IL16: variants seen among roughly 807,000 people sequenced by gnomAD.
The protein encoded by IL16 is interleukin 16.
Under a neutral mutation model 110.1 loss-of-function variants are expected in IL16, and 67 were observed. The ratio of observed to expected loss-of-function variants is 0.61; its 90% CI spans 0.50 to 0.75. The LOEUF (loss-of-function observed/expected upper bound fraction) is 0.75, where lower values mean the gene tolerates loss of function less well. Ranked by LOEUF, IL16 falls within the 30% of genes least tolerant of loss-of-function variation. The pLI is 0.00. For synonymous variants in IL16, 689 were observed against 662.9 expected, an observed-to-expected ratio of 1.04 and a Z score of -0.61; for missense variants, 1,545 against 1,655.0, an observed-to-expected ratio of 0.93 and a Z score of 1.15.
chr15:81,299,268 C>T (rs1175898271), intron 13 of IL16, 112 bp from the exon 14 acceptor site: 8 of 1,583,292 alleles, frequency 5.1e-6, no homozygotes, highest in African/African-American at 1.3e-5. Flanking sequence ...CCCACTTCTG[C>T]TAATCTCCTC....
chr15:81,269,180 C>T (rs371846769), intron 4 of IL16, among the ~76,000 whole-genome samples: 9 of 151,706 alleles, frequency 5.9e-5, no homozygotes, highest in East Asian at 5.8e-4. Context: ...AGTCTCAGGG[C>T]GTTCTTGGTA....
intron 4 of IL16, among the ~76,000 whole-genome samples, chr15:81,269,211 C>T (rs1194571479): frequency 6.6e-6 from 1 of 152,262 alleles, no homozygotes; most frequent in East Asian, 1.9e-4. Flanking sequence ...CAAATTCTGC[C>T]TGAGACCTGG....
intron 1 of IL16, among the ~76,000 whole-genome samples, chr15:81,199,150 A>G (rs1895719915): frequency 6.6e-6 from 1 of 151,842 alleles, no homozygotes; most frequent in Non-Finnish European, 1.5e-5. Flanking sequence ...TTCATTGTGA[A>G]TAGCAATATG....
In IL16 at chr15:81,290,538, A is replaced by G; in HGVS notation, c.1418A>G (p.Glu473Gly). Residue 473 changes from glutamate to glycine, a missense_variant and splice_region_variant, in exon 11 of 19, where the codon GAA becomes GGA. Glu to Gly is a moderately conservative substitution (Grantham distance 98). This residue lies in a region of IL16 where 1,185 missense variants were observed against 1,238.8 expected (regional missense o/e 0.96). Coordinates refer to ENST00000683961, the MANE Select transcript of IL16 (RefSeq NM_172217.5). ...FGKERHQWSL[E>G]GVKRLESSWH... is the part of the protein sequence containing the mutation. ...AAGGAGAGGCATCAGTGGAGTCTGGAAGGTAAGACAAATGGTGAACTTTGA... is the reference window on the plus strand; with the variant it reads ...AAGGAGAGGCATCAGTGGAGTCTGGGAGGTAAGACAAATGGTGAACTTTGA... 6.2e-7 allele frequency: 1 copy of G among 1,601,494 alleles called. No homozygotes were observed. Among genetic ancestry groups the G allele is most frequent in the Non-Finnish European group, 8.6e-7 (1 of 1,169,398 alleles).
At chr15:81,278,777 G>A (rs1432037579) in intron 6 of IL16, 40 bp from the exon 7 acceptor site, 1 of 1,370,934 alleles carries the variant, frequency 7.3e-7, no homozygotes, top group South Asian at 1.2e-5. Flanking sequence ...CCTTTGATTG[G>A]GCAACACTCT....
At chr15:81,245,676 CA>C (rs1353378834) in intron 2 of IL16, among the ~76,000 whole-genome samples, 2 of 147,184 alleles carry the variant, frequency 1.4e-5, no homozygotes, top group African/African-American at 5.1e-5. Context: ...TCTCGCTGAA[CA>C]GTCCCTTCAT....
chr15:81,299,439 A>G lies in IL16; in HGVS notation c.2113A>G (p.Ser705Gly). 4 of 1,614,220 alleles carry G rather than the reference A, an allele frequency of 2.5e-6. No homozygotes were observed. The highest frequency in any genetic ancestry group is 2.5e-6 in the Non-Finnish European group (3 of 1,180,054). ...LLKRQARMDY[S>G]FDTTAEDPWV... ...TAAGAGGCAGGCTCGGATGGACTAT[A>G]GCTTTGATACCACAGCCGAAGACCC... is the stretch of plus-strand genomic sequence containing the variant. The change falls in exon 14 of 19, where the codon AGC (serine) becomes GGC (glycine). Residue 705 changes from serine (S) to glycine (G), a missense_variant. Transcript: ENST00000683961.
At chr15:81,248,328 G>A (rs1897640181) in intron 2 of IL16, among the ~76,000 whole-genome samples, 1 of 151,820 alleles carries the variant, frequency 6.6e-6, no homozygotes, top group Non-Finnish European at 1.5e-5. Flanking sequence ...ACCTACTTAT[G>A]TATGTGTGAA....
intron 6 of IL16, among the ~76,000 whole-genome samples, 183 bp downstream of exon 6, chr15:81,273,387 A>G (rs1214323515): frequency 6.6e-6 from 1 of 152,112 alleles, no homozygotes; most frequent in Non-Finnish European, 1.5e-5. Context: ...CTTCATTATG[A>G]CTGGCAGGTT....
chr15:81,259,911 CAG>C (rs1346617607), intron 3 of IL16, 31 bp downstream of exon 3: 9 of 1,341,578 alleles, frequency 6.7e-6, no homozygotes, highest in Non-Finnish European at 9.7e-6. Context: ...TCTTCAGGAA[CAG>C]AGCTCAGCTG....
chr15:81,245,542 C>T (rs1047138211), intron 2 of IL16, among the ~76,000 whole-genome samples: 4 of 152,244 alleles, frequency 2.6e-5, no homozygotes, highest in Middle Eastern at 3.4e-3. Context: ...AGTACCCCAA[C>T]GGCCGGGTTG....
At chr15:81,250,328 C>T (rs933137576) in intron 2 of IL16, among the ~76,000 whole-genome samples, 1 of 152,108 alleles carries the variant, frequency 6.6e-6, no homozygotes, top group South Asian at 2.1e-4. Context: ...AGCCACCACT[C>T]CTGGCTAATT....
chr15:81,261,400 T>G (rs909360914), intron 3 of IL16, among the ~76,000 whole-genome samples: 2 of 152,060 alleles, frequency 1.3e-5, no homozygotes, highest in Non-Finnish European at 2.9e-5. Context: ...TGGCTTCTGA[T>G]TGAGTTCAGT....
intron 2 of IL16, among the ~76,000 whole-genome samples, chr15:81,231,324 GTC>G (rs532872365): frequency 0.025 from 1,195 of 47,172 alleles, 38 homozygotes; most frequent in East Asian, 0.052. Flanking sequence ...AGGTCGGTCT[GTC>G]TCTCTCTCTC....
At chr15:81,304,642 GT>G (rs919794427) in intron 16 of IL16, among the ~76,000 whole-genome samples, 165 of 152,268 alleles carry the variant, frequency 1.1e-3, no homozygotes, top group African/African-American at 3.8e-3. Context: ...TGATAAATTG[GT>G]GGCATTTATG....
chr15:81,213,310 A>G (rs1035780702), intron 1 of IL16, among the ~76,000 whole-genome samples: 3 of 152,236 alleles, frequency 2.0e-5, no homozygotes, highest in South Asian at 2.1e-4. Context: ...AGGACTTAAC[A>G]TGTGGTCTAT....
intron 5 of IL16, among the ~76,000 whole-genome samples, chr15:81,270,325 C>T (rs555021128): frequency 1.3e-5 from 2 of 152,220 alleles, no homozygotes; most frequent in Non-Finnish European, 2.9e-5. Flanking sequence ...GCTCTCAGGC[C>T]AGCCCAAGCA....
intron 9 of IL16, among the ~76,000 whole-genome samples, chr15:81,284,214 A>G (rs755534954): frequency 1.8e-4 from 27 of 152,204 alleles, no homozygotes; most frequent in Non-Finnish European, 3.4e-4. Flanking sequence ...TTGCACTCTA[A>G]CATTTGTGTA....
chr15:81,205,388 G>A (rs954406839), intron 1 of IL16, among the ~76,000 whole-genome samples: 5 of 151,950 alleles, frequency 3.3e-5, no homozygotes, highest in African/African-American at 7.3e-5. Flanking sequence ...AGAGCACCTA[G>A]CACCTCACCT....
Sources: gnomAD v4.1 joint callset for allele counts (sites outside exome capture counted in the v4.1 genomes callset) on GRCh38, gnomAD v4.1.1 for gene constraint, gnomAD v4.1.1 regional missense constraint, MANE v1.5 for transcripts, NCBI Gene and HGNC (gene_info 2026-07-23, HGNC 2026-07-21) for gene names.